The following RBFOX1 variants were observed in gnomAD, a reference collection of about 807,000 sequenced individuals.
RBFOX1 encodes RNA binding protein fox-1 homolog 1.
In RBFOX1, 8 loss-of-function variants were observed where a neutral mutation model predicts 57.7. The ratio of observed to expected loss-of-function variants is 0.14; its 90% CI spans 0.08 to 0.25. The LOEUF (loss-of-function observed/expected upper bound fraction) is 0.25. RBFOX1 is among the 10% of genes least tolerant of loss of function. The pLI is 1.00. For missense variants in RBFOX1, 611 were observed against 548.5 expected (o/e 1.11, Z -1.14); for synonymous variants, 326 against 222.4 (o/e 1.47, Z -4.15).
chr16:7,371,105 A>G (rs1423008854), intron 4 of RBFOX1, among the ~76,000 whole-genome samples: 1 of 152,144 alleles, frequency 6.6e-6, no homozygotes, highest in Non-Finnish European at 1.5e-5. Context: ...AGCCTGTCTG[A>G]TGTTTTCATA....
At chr16:7,249,172 C>T (rs534005387) in intron 4 of RBFOX1, among the ~76,000 whole-genome samples, 2 of 152,292 alleles carry the variant, frequency 1.3e-5, no homozygotes, top group East Asian at 3.9e-4. Context: ...GTGGTATCAC[C>T]ACCAACCTTC....
At chr16:6,950,509 G>A (rs992212230) in intron 3 of RBFOX1, among the ~76,000 whole-genome samples, 1 of 152,142 alleles carries the variant, frequency 6.6e-6, no homozygotes, top group Non-Finnish European at 1.5e-5. Context: ...GATTGAAGCT[G>A]AACAAATAGA....
chr16:6,111,575 G>C (rs1228618166), intron 1 of RBFOX1, among the ~76,000 whole-genome samples: 1 of 152,180 alleles, frequency 6.6e-6, no homozygotes, highest in Non-Finnish European at 1.5e-5. Context: ...CAAAGCCCCA[G>C]GACTATGGCT....
At chr16:7,340,984 A>T (rs1196251529) in intron 4 of RBFOX1, among the ~76,000 whole-genome samples, 2 of 151,950 alleles carry the variant, frequency 1.3e-5, no homozygotes, top group East Asian at 1.9e-4. Context: ...CGGATTTCAC[A>T]CTCTCTGCTG....
At chr16:6,317,142 G>T (rs1337797412) in intron 2 of RBFOX1, 85 bp downstream of exon 2, 2 of 1,318,416 alleles carry the variant, frequency 1.5e-6, no homozygotes, top group African/African-American at 1.5e-5. Context: ...CTTTTCTGCA[G>T]GTTTGAAGTT....
At chr16:6,178,256 G>A (rs915416244) in intron 1 of RBFOX1, among the ~76,000 whole-genome samples, 3 of 141,296 alleles carry the variant, frequency 2.1e-5, no homozygotes, top group African/African-American at 5.3e-5. Flanking sequence ...GTGAGATCTC[G>A]GTTCACTGCA....
intron 4 of RBFOX1, among the ~76,000 whole-genome samples, chr16:7,218,163 C>T (rs993350249): frequency 4.6e-5 from 7 of 152,130 alleles, no homozygotes; most frequent in South Asian, 2.1e-4. Context: ...CTCTTTCTAA[C>T]CCTATGATCC....
intron 4 of RBFOX1, among the ~76,000 whole-genome samples, chr16:7,280,465 T>C (rs1377166584): frequency 6.6e-6 from 1 of 152,144 alleles, no homozygotes; most frequent in African/African-American, 2.4e-5. Context: ...AATAAGGTGT[T>C]GGTAGATAAG....
chr16:7,670,018 T>C (rs3826208), intron 13 of RBFOX1, among the ~76,000 whole-genome samples: 16,648 of 152,208 alleles, frequency 0.11, 1,121 homozygotes, highest in Middle Eastern at 0.2. Context: ...TACCTCTATT[T>C]TTCTGTTGTT....
intron 4 of RBFOX1, among the ~76,000 whole-genome samples, chr16:7,211,595 GT>G (rs1342460989): frequency 6.6e-6 from 1 of 152,074 alleles, no homozygotes; most frequent in East Asian, 1.9e-4. Flanking sequence ...GAGAGAAAGA[GT>G]TGTTGAAATC....
chr16:7,200,571 A>G (rs2088099404), intron 4 of RBFOX1, among the ~76,000 whole-genome samples: 1 of 152,202 alleles, frequency 6.6e-6, no homozygotes, highest in African/African-American at 2.4e-5. Flanking sequence ...AAAACATTCA[A>G]GAAGGAGTTG....
Position 7,408,397 on chromosome 16 carries a change from TTCAAAACTG to T in RBFOX1, c.28-109746_28-109738del, listed in dbSNP as rs376390300. Reference sequence around the variant, plus strand: ...GACTGTGTCTGAGCACAGTAAACCATTCAAAACTGTCACTGCACAGAGATGAATGGGAGA... The same window carrying T: ...GACTGTGTCTGAGCACAGTAAACCATTCACTGCACAGAGATGAATGGGAGA... On this transcript the variant is annotated intron_variant, in intron 4 of 15. Coordinates refer to ENST00000550418, the MANE Select transcript of RBFOX1 (RefSeq NM_018723.4). Among the ~76,000 whole-genome samples the T allele has an allele frequency of 8.6e-4, 131 of 152,308 alleles. No individual in the cohort carries two copies. In the Middle Eastern group the frequency reaches 0.01, roughly 12 times the overall value.
intron 2 of RBFOX1, among the ~76,000 whole-genome samples, chr16:6,362,856 G>C (rs933697976): frequency 3.3e-5 from 5 of 152,198 alleles, no homozygotes; most frequent in Admixed American, 1.3e-4. Flanking sequence ...GGAAGGTCGA[G>C]GTGTAAACAG....
At chr16:5,457,030 T>C (rs1365206369) in intron 1 of RBFOX1, among the ~76,000 whole-genome samples, 2 of 152,192 alleles carry the variant, frequency 1.3e-5, no homozygotes, top group South Asian at 2.1e-4. Context: ...AATTCCAAGA[T>C]TGAGGTGCCG....
At chr16:6,722,712 G>C (rs1266742847) in intron 3 of RBFOX1, among the ~76,000 whole-genome samples, 2 of 152,180 alleles carry the variant, frequency 1.3e-5, no homozygotes, top group Non-Finnish European at 2.9e-5. Flanking sequence ...ATAATTAAAT[G>C]ATTTGTAGAA....
chr16:7,418,803 T>C (rs1048113307), intron 4 of RBFOX1, among the ~76,000 whole-genome samples: 1 of 152,214 alleles, frequency 6.6e-6, no homozygotes, highest in African/African-American at 2.4e-5. Flanking sequence ...TCTGTCTTCC[T>C]CTGTCTCTCT....
At chr16:5,463,526 G>A (rs571868236) in intron 1 of RBFOX1, among the ~76,000 whole-genome samples, 13 of 152,294 alleles carry the variant, frequency 8.5e-5, no homozygotes, top group African/African-American at 2.9e-4. Context: ...GTGGCCGGGC[G>A]TGGTGGGTCG....
intron 4 of RBFOX1, among the ~76,000 whole-genome samples, chr16:7,379,851 C>T (rs189696457): frequency 4.0e-5 from 6 of 151,598 alleles, no homozygotes; most frequent in Admixed American, 3.9e-4. Flanking sequence ...TTCCTCTTTT[C>T]TCTTCCTTTT....
chr16:6,045,671 CAACT>C (rs1266484422), intron 1 of RBFOX1, among the ~76,000 whole-genome samples: 3 of 152,120 alleles, frequency 2.0e-5, no homozygotes, highest in African/African-American at 7.2e-5. Flanking sequence ...TAGATTAACT[CAACT>C]AAATAAATAT....
Sources: gnomAD v4.1 joint callset for allele counts (sites outside exome capture counted in the v4.1 genomes callset) on GRCh38, gnomAD v4.1.1 for gene constraint, MANE v1.5 for transcripts, NCBI Gene and HGNC (gene_info 2026-07-23, HGNC 2026-07-21) for gene names.